EIF4G1: variants seen among roughly 807,000 people sequenced by gnomAD.
The protein encoded by EIF4G1 is eukaryotic translation initiation factor 4 gamma 1.
A neutral mutation model predicts 187.8 loss-of-function variants in EIF4G1; 4 were observed. The ratio of observed to expected loss-of-function variants is 0.02; its 90% confidence interval spans 0.01 to 0.05. The LOEUF (loss-of-function observed/expected upper bound fraction) is 0.05. Ranked by LOEUF, EIF4G1 falls within the 10% of genes least tolerant of loss-of-function variation. EIF4G1 has a pLI of 1.00. For missense variants in EIF4G1, 1,647 were observed against 2,081.1 expected, an observed-to-expected ratio of 0.79 and a Z score of 4.06; for synonymous variants, 844 against 781.4, an observed-to-expected ratio of 1.08 and a Z score of -1.34.
At chr3:184,321,113 G>A in intron 9 of EIF4G1, 120 bp downstream of exon 9, 2 of 1,489,550 alleles carry the variant, frequency 1.3e-6, no homozygotes, top group Non-Finnish European at 1.8e-6. Context: ...TTCAGGTTGT[G>A]GGATTTTGAG....
In EIF4G1 at chr3:184,325,652, C is replaced by A. The variant is rs1264720769; in HGVS notation, c.3121+13C>A. 6.2e-7 allele frequency: 1 copy of A among 1,614,096 alleles called. No homozygotes were observed. The highest frequency in any genetic ancestry group is 1.3e-5 in the African/African-American group (1 of 75,018). On this transcript the variant is annotated intron_variant, in intron 20 of 32. Coordinates refer to ENST00000346169, the MANE Select transcript of EIF4G1 (RefSeq NM_198241.3). This position sits in a 1 kb window ranked among gnomAD's most constrained non-coding sequence, Gnocchi z 5.2. ...GGCCCTCCCATCAGTGAGTTCCAAG[C>A]TGGGATTGAGAAGGGAGCAGTGAAG...
rs367967649 is a variant in EIF4G1 at position 184,325,394 on chromosome 3, C to T, written c.2961+21C>T. The T allele has an allele frequency of 1.0e-4, 165 of 1,614,044 alleles. No homozygotes were observed. Among genetic ancestry groups the T allele is most frequent in the Non-Finnish European group, 1.3e-4 (159 of 1,180,010 alleles). On this transcript the variant is annotated intron_variant, in intron 19 of 32. Transcript: ENST00000346169. This position sits in a 1 kb window ranked among gnomAD's most constrained non-coding sequence, Gnocchi z 5.2. ...GAGGGGTGTGTGTCCCCCTCCTCCC[C>T]ACTGCCAGCCTGCTGCCTCCAGTTT...
chr3:184,315,637 T>C (rs1355376248), intron 2 of EIF4G1, 92 bp downstream of exon 2: 14 of 784,824 alleles, frequency 1.8e-5, no homozygotes, highest in Non-Finnish European at 4.6e-6. Flanking sequence ...GTATCTTTTC[T>C]GCTTCACCCT....
chr3:184,320,352 G>T, intron 7 of EIF4G1: 2 of 1,356,266 alleles, frequency 1.5e-6, no homozygotes, highest in Non-Finnish European at 1.9e-6. Context: ...TGCAGCCACT[G>T]ACTTGGGGAC....
intron 2 of EIF4G1, 32 bp downstream of exon 2, chr3:184,315,577 G>T: frequency 1.3e-6 from 1 of 766,754 alleles, no homozygotes. Context: ...GTAGGTCAGG[G>T]GTTGGTTGGA....
At chr3:184,332,786 AT>A (rs1295262590) in intron 32 of EIF4G1, among the ~76,000 whole-genome samples, 4 of 152,104 alleles carry the variant, frequency 2.6e-5, no homozygotes, top group African/African-American at 9.7e-5. Context: ...GAAAAGAACT[AT>A]TAAAGAAAGG....
At chr3:184,332,702 G>A (rs1438309253) in intron 32 of EIF4G1, among the ~76,000 whole-genome samples, 6 of 152,182 alleles carry the variant, frequency 3.9e-5, no homozygotes, top group Non-Finnish European at 7.3e-5. Context: ...ACTGGGAAGG[G>A]GAGGGGGAGA....
In EIF4G1 at chr3:184,322,465, A is replaced by C; in HGVS notation, c.1608+15A>C. The C allele has an allele frequency of 6.2e-7, 1 of 1,614,044 alleles. No homozygotes were observed. On this transcript the variant is annotated intron_variant, in intron 11 of 32. Coordinates refer to ENST00000346169, the MANE Select transcript of EIF4G1 (RefSeq NM_198241.3). ...CCTTCAAGGAGGTAAGGGAGCAGAA[A>C]ATGGGAGGGGAGAGGGCCAAGTTGA... is the stretch of plus-strand genomic sequence containing the variant.
rs1055871681 is a variant in EIF4G1, at chr3:184,325,728, T to C, written c.3121+89T>C. 6.2e-7 allele frequency: 1 copy of C among 1,611,184 alleles called. No homozygotes were observed. The highest frequency in any genetic ancestry group is 1.7e-5 in the Admixed American group (1 of 60,004). On this transcript the variant is annotated intron_variant, in intron 20 of 32. Coordinates refer to ENST00000346169, the MANE Select transcript of EIF4G1 (RefSeq NM_198241.3). This position sits in a 1 kb window ranked among gnomAD's most constrained non-coding sequence, Gnocchi z 5.2. Reference sequence around the variant, plus strand: ...GATGACTTCCTGTTAGTGCCACGTGTCTGGGCCACTGAGACACCATGATGG... The same window carrying C: ...GATGACTTCCTGTTAGTGCCACGTGCCTGGGCCACTGAGACACCATGATGG...
In EIF4G1 at chr3:184,321,406, G is replaced by A. The variant is rs145242189; in HGVS notation, c.822G>A (p.Pro274=). 1.9e-4 allele frequency: 302 copies of A among 1,613,972 alleles called. No individual in the cohort carries two copies. Among genetic ancestry groups the A allele is most frequent in the Non-Finnish European group, 2.5e-4 (295 of 1,180,042 alleles). ...PTPSPSPVLE[P]GSEPNLAVLS... ...CATCACCATCCCCAGTCTTGGAACC[G>A]GGGTCTGAGCCTAATCTCGCAGTCC... Residue 274 remains proline, a synonymous_variant, in exon 10 of 33, where the codon CCG becomes CCA. Coordinates refer to ENST00000346169, the MANE Select transcript of EIF4G1 (RefSeq NM_198241.3).
chr3:184,314,977 A>C (rs1284113200), intron 1 of EIF4G1, among the ~76,000 whole-genome samples: 1 of 150,774 alleles, frequency 6.6e-6, no homozygotes, highest in Non-Finnish European at 1.5e-5. Context: ...GAGGCCCGGC[A>C]GCCCACGGGC....
chr3:184,315,982 C>G, intron 3 of EIF4G1, 126 bp downstream of exon 3: 7 of 1,521,092 alleles, frequency 4.6e-6, no homozygotes, highest in Non-Finnish European at 6.2e-6. Context: ...TGAGACAGGG[C>G]CCCTGGGCTG....
intron 32 of EIF4G1, 22 bp downstream of exon 32, chr3:184,332,108 CAG>C (rs771351411): frequency 2.5e-5 from 40 of 1,614,058 alleles, no homozygotes; most frequent in Non-Finnish European, 3.0e-5. Context: ...GCCATGGGGA[CAG>C]GGGTGGGGTG....
chr3:184,325,869 T>C lies in EIF4G1; in HGVS notation c.3140T>C (p.Val1047Ala). 1 of 1,614,140 alleles carries C rather than the reference T, an allele frequency of 6.2e-7. No homozygotes were observed. ...GTGTCAGGCCGTGGACTTCCCCTTG[T>C]GGATGATGGTGGCTGGAACACAGTT... ...GPPISRGLPLVDDGGWNTVPI... is the reference protein window; with the variant it reads ...GPPISRGLPLADDGGWNTVPI... The change falls in exon 21 of 33, where the codon GTG becomes GCG. Residue 1047 changes from valine to alanine, a missense_variant. By Grantham distance (64) the Val-to-Ala change is moderately conservative. Coordinates refer to ENST00000346169, the MANE Select transcript of EIF4G1 (RefSeq NM_198241.3). This position sits in a 1 kb window ranked among gnomAD's most constrained non-coding sequence, Gnocchi z 5.2.
chr3:184,316,160 C>A lies in EIF4G1; in HGVS notation c.89C>A (p.Pro30Gln), dbSNP rs912461425. Residue 30 changes from proline to glutamine, a missense_variant, in exon 4 of 33, where the codon CCG (proline) becomes CAG (glutamine). Pro to Gln is a moderately conservative substitution (Grantham distance 76). This residue lies in a region of EIF4G1 where 61 missense variants were observed against 49.5 expected (regional missense o/e 1.23). Transcript: ENST00000346169. ...QPAFPPGQTA[P>Q]VVFSTPQATQ... ...GCGTTTCCCCCGGGGCAGACAGCGC[C>A]GGTGGTGTTCAGTACGCCACAAGCG... 2 of 1,614,040 alleles carry A rather than the reference C, an allele frequency of 1.2e-6. No individual in the cohort carries two copies. The highest frequency in any genetic ancestry group is 2.7e-5 in the African/African-American group (2 of 74,922).
chr3:184,326,562 A>G lies in EIF4G1; in HGVS notation c.3258A>G (p.Ala1086=), dbSNP rs1379049596. The G allele has an allele frequency of 7.4e-6, 12 of 1,613,464 alleles. No homozygotes were observed. The South Asian group carries it at 1.3e-4, about 18-fold the overall frequency. The change falls in exon 22 of 33, where the codon GCA becomes GCG. Residue 1086 remains alanine (A), a synonymous_variant. Coordinates refer to ENST00000346169, the MANE Select transcript of EIF4G1 (RefSeq NM_198241.3). The stretch of plus-strand genomic sequence containing the variant: ...TCGATTCTAACAACCAGCTCTTTGC[A>G]CCTGGAGGGCGACTGAGCTGGGGCA... The part of the protein sequence containing the change: ...GSIDSNNQLF[A]PGGRLSWGKG...
rs1560218146 is a variant in EIF4G1, at chr3:184,323,632, TC to T, written c.2274+40del. 18 of 1,613,262 alleles carry T rather than the reference TC, an allele frequency of 1.1e-5. 1 individual carries two copies. In the South Asian group the frequency reaches 1.5e-4, roughly 14 times the overall value. ...CTGCTTTTGGTCTCTCTCCATTTCT[TC>T]TCCAGGTCTGCCATCTGTGCCCTCT... On this transcript the variant is annotated intron_variant, in intron 15 of 32. Transcript: ENST00000346169. This position sits in a 1 kb window ranked among gnomAD's most constrained non-coding sequence, Gnocchi z 6.9.
At chr3:184,332,353 G>T (rs1056941062) in intron 32 of EIF4G1, among the ~76,000 whole-genome samples, 2 of 152,218 alleles carry the variant, frequency 1.3e-5, no homozygotes, top group Non-Finnish European at 2.9e-5. Flanking sequence ...TAAATGATAG[G>T]ATCTTCCCAG....
At chr3:184,332,465 A>G (rs1028474150) in intron 32 of EIF4G1, among the ~76,000 whole-genome samples, 19 of 152,108 alleles carry the variant, frequency 1.2e-4, no homozygotes, top group Non-Finnish European at 2.4e-4. Context: ...TATTACCCCT[A>G]TTTTCCACAT....
Sources: allele counts gnomAD v4.1 joint callset (sites outside exome capture counted in the v4.1 genomes callset), GRCh38; gene constraint gnomAD v4.1.1; regional missense constraint gnomAD v4.1.1; non-coding constraint Gnocchi (gnomAD v3.1); transcripts MANE v1.5; gene names NCBI Gene and HGNC (gene_info 2026-07-23, HGNC 2026-07-21).